NUP133: variants seen among roughly 807,000 people sequenced by gnomAD.
NUP133 encodes the protein nucleoporin 133, also known as nuclear pore complex protein Nup133.
NUP133 carries 66 observed loss-of-function variants against 146.2 expected under a neutral mutation model. The observed-to-expected ratio is 0.45, with a 90% CI of 0.37 to 0.55. The LOEUF (loss-of-function observed/expected upper bound fraction) is 0.55, where lower values mean the gene tolerates loss of function less well. Ranked by LOEUF, NUP133 falls within the 20% of genes least tolerant of loss-of-function variation. The pLI is 0.00. For missense variants in NUP133, 1,277 were observed against 1,374.8 expected (o/e 0.93, Z 1.12); for synonymous variants, 521 against 498.8 (o/e 1.04, Z -0.59).
Position 229,486,358 on chromosome 1 carries a change from C to T in NUP133, c.1500+13G>A, listed in dbSNP as rs374225643. 4 of 1,549,830 alleles carry T rather than the reference C, an allele frequency of 2.6e-6. No homozygotes were observed. The highest frequency in any genetic ancestry group is 1.7e-4 in the Middle Eastern group (1 of 5,826). ...TAACATAAAAACTTCAAATTCTTAT[C>T]GAATCACATTACCTCACTGTTTGGT... On this transcript the variant is annotated intron_variant, in intron 11 of 25. Transcript: ENST00000261396.
At position 229,508,297 on chromosome 1, in the gene NUP133, T is replaced by G; in HGVS notation, c.-48A>C. The G allele has an allele frequency of 7.3e-7, 1 of 1,361,074 alleles. No individual in the cohort carries two copies. Among genetic ancestry groups the G allele is most frequent in the Non-Finnish European group, 9.6e-7 (1 of 1,041,376 alleles). 84.3% of individuals were successfully genotyped at this position (1,361,074 alleles called of 1,614,324 possible). A position where few individuals can be genotyped will look rare whatever the true frequency, so the allele number is the denominator to read the frequency against. On this transcript the variant is annotated 5_prime_UTR_variant, in exon 1 of 26. Transcript: ENST00000261396. Reference sequence around the variant, plus strand: ...GACAGCGAGGGATCTGGCCGTCAGGTTGCAGCCTGGCCTGCGCGCGGAACT... The same window carrying G: ...GACAGCGAGGGATCTGGCCGTCAGGGTGCAGCCTGGCCTGCGCGCGGAACT...
At chr1:229,444,663 A>G (rs1465791127) in intron 25 of NUP133, among the ~76,000 whole-genome samples, 1 of 151,950 alleles carries the variant, frequency 6.6e-6, no homozygotes, top group East Asian at 1.9e-4. Flanking sequence ...CCTGGCCAAT[A>G]TGGTGAAACC....
chr1:229,486,905 A>G (rs1051925911), intron 10 of NUP133, among the ~76,000 whole-genome samples: 27 of 98,756 alleles, frequency 2.7e-4, no homozygotes, highest in Non-Finnish European at 3.7e-4. Context: ...GGGGACTGGA[A>G]AAAAAAAAAA....
At chr1:229,443,452 T>C (rs1006715391) in intron 25 of NUP133, among the ~76,000 whole-genome samples, 1 of 152,204 alleles carries the variant, frequency 6.6e-6, no homozygotes, top group Admixed American at 6.5e-5. Context: ...TATAATGTAT[T>C]TCAGGTAACA....
intron 19 of NUP133, 37 bp downstream of exon 19, chr1:229,463,506 T>C (rs1660737911): frequency 1.3e-6 from 2 of 1,579,412 alleles, no homozygotes; most frequent in African/African-American, 1.4e-5. Context: ...AAAAGGCAAC[T>C]AAAGGACTCA....
chr1:229,453,073 A>C (rs1660491993), intron 21 of NUP133, among the ~76,000 whole-genome samples: 2 of 152,080 alleles, frequency 1.3e-5, no homozygotes, highest in African/African-American at 4.8e-5. Flanking sequence ...TGGGCCACTA[A>C]GCTCCCGTGC....
At chr1:229,455,205 A>G (rs897461215) in intron 21 of NUP133, among the ~76,000 whole-genome samples, 2 of 152,192 alleles carry the variant, frequency 1.3e-5, no homozygotes, top group Non-Finnish European at 2.9e-5. Context: ...CCAGATATCC[A>G]TATCTGCATA....
At position 229,500,830 on chromosome 1, in the gene NUP133, T is replaced by C. The variant is rs770001047; in HGVS notation, c.439A>G (p.Ser147Gly). ...AAGTCGGCACTCCAGTGGAAATCAC[T>C]AGGTGGCAGCTGAAGTTCTTTGCAA... is the stretch of plus-strand genomic sequence containing the variant. ...SVCKELQLPP[S>G]DFHWSADLVA... Residue 147 changes from serine to glycine, a missense_variant, in exon 4 of 26, where the codon AGT becomes GGT. By Grantham distance (56) the Ser-to-Gly change is moderately conservative (BLOSUM62 0). Coordinates refer to ENST00000261396, the MANE Select transcript of NUP133 (RefSeq NM_018230.3). The C allele has an allele frequency of 1.9e-6, 3 of 1,612,986 alleles. No individual in the cohort carries two copies. The highest frequency in any genetic ancestry group is 2.7e-5 in the African/African-American group (2 of 75,012).
rs1661644362 is a variant in NUP133 at position 229,495,929 on chromosome 1, T to C, written c.938A>G (p.Asn313Ser). The change falls in exon 7 of 26, where the codon AAT becomes AGT. Residue 313 changes from asparagine (N) to serine (S), a missense_variant. This residue lies in a region of NUP133 where 952 missense variants were observed against 1,047.0 expected (regional missense o/e 0.91). Coordinates refer to ENST00000261396, the MANE Select transcript of NUP133 (RefSeq NM_018230.3). ...SEKHAYSWDINRALKENITDA... is the reference protein window; with the variant it reads ...SEKHAYSWDISRALKENITDA... ...GGTAATGTTTTCCTTCAGGGCTCTA[T>C]TTATATCCCAACTGTATGCATGCTT... 3 of 1,607,368 alleles carry C rather than the reference T, an allele frequency of 1.9e-6. No homozygotes were observed. The highest frequency in any genetic ancestry group is 2.5e-6 in the Non-Finnish European group (3 of 1,178,104).
At chr1:229,445,381 G>A (rs1558086812) in intron 24 of NUP133, among the ~76,000 whole-genome samples, 1 of 152,144 alleles carries the variant, frequency 6.6e-6, no homozygotes, top group Non-Finnish European at 1.5e-5. Context: ...GGACCCCAAA[G>A]TATGACTCAC....
chr1:229,507,908 G>C (rs1349771543), intron 1 of NUP133, 160 bp downstream of exon 1: 1 of 985,148 alleles, frequency 1.0e-6, no homozygotes, highest in Non-Finnish European at 1.2e-6. Context: ...TCAAAACGAA[G>C]CAGATACTAC....
At chr1:229,446,337 AGGCGGAGGTTGC>A (rs1298273690) in intron 24 of NUP133, among the ~76,000 whole-genome samples, 1 of 152,084 alleles carries the variant, frequency 6.6e-6, no homozygotes, top group Admixed American at 6.6e-5. Context: ...TGAACTTGGG[AGGCGGAGGTTGC>A]GGCGAGCCGA....
chr1:229,478,034 C>T (rs1298043191), intron 12 of NUP133, among the ~76,000 whole-genome samples: 3 of 152,004 alleles, frequency 2.0e-5, no homozygotes, highest in Non-Finnish European at 4.4e-5. Flanking sequence ...AAGATGAATG[C>T]TTGAGGTGAC....
chr1:229,471,984 T>C (rs1317461161), intron 14 of NUP133, among the ~76,000 whole-genome samples: 2 of 152,232 alleles, frequency 1.3e-5, no homozygotes, highest in Non-Finnish European at 2.9e-5. Flanking sequence ...TTACATGGTC[T>C]TTCCTGACTT....
intron 2 of NUP133, among the ~76,000 whole-genome samples, chr1:229,504,534 A>C (rs1475650002): frequency 6.6e-6 from 1 of 152,252 alleles, no homozygotes; most frequent in Non-Finnish European, 1.5e-5. Context: ...AGACGCTTCT[A>C]AAGGTACACC....
intron 22 of NUP133, chr1:229,450,925 T>G (rs1272547182): frequency 1.3e-5 from 2 of 157,266 alleles, no homozygotes; most frequent in African/African-American, 4.8e-5. Flanking sequence ...GATTTCACCC[T>G]GTTGGCCAGG....
intron 25 of NUP133, among the ~76,000 whole-genome samples, chr1:229,443,421 A>G (rs2102743198): frequency 6.6e-6 from 1 of 152,322 alleles, no homozygotes. Context: ...ATTTAATGAG[A>G]CATGCATTTT....
chr1:229,454,846 G>T (rs1431211121), intron 21 of NUP133, among the ~76,000 whole-genome samples: 1 of 152,058 alleles, frequency 6.6e-6, no homozygotes, highest in African/African-American at 2.4e-5. Flanking sequence ...TTTTAGAACA[G>T]GCGCTACTAG....
intron 9 of NUP133, among the ~76,000 whole-genome samples, chr1:229,489,259 G>T (rs1661450809): frequency 6.6e-6 from 1 of 152,068 alleles, no homozygotes; most frequent in Non-Finnish European, 1.5e-5. Flanking sequence ...GGGCTCAAGT[G>T]ATCTTCCTGC....
Sources: allele counts gnomAD v4.1 joint callset (sites outside exome capture counted in the v4.1 genomes callset), GRCh38; gene constraint gnomAD v4.1.1; regional missense constraint gnomAD v4.1.1; transcripts MANE v1.5; gene names NCBI Gene and HGNC (gene_info 2026-07-23, HGNC 2026-07-21).